The following DAZAP1 variants were observed in gnomAD, a reference collection of about 807,000 sequenced individuals.
DAZAP1 encodes DAZ associated protein 1.
In DAZAP1, 6 loss-of-function variants were observed where a neutral mutation model predicts 60.1. That is an observed-to-expected ratio of 0.10 (90% CI 0.05 to 0.20). The LOEUF (loss-of-function observed/expected upper bound fraction) is 0.20. Ranked by LOEUF, DAZAP1 falls within the 10% of genes least tolerant of loss-of-function variation. DAZAP1 has a pLI of 1.00. For missense variants in DAZAP1, 366 were observed against 560.4 expected (o/e 0.65, Z 3.50); for synonymous variants, 235 against 215.9 (o/e 1.09, Z -0.78).
chr19:1,431,891 C>T (rs2083461532), intron 10 of DAZAP1, among the ~76,000 whole-genome samples: 1 of 152,158 alleles, frequency 6.6e-6, no homozygotes, highest in Admixed American at 6.5e-5. Flanking sequence ...TGGGGCATAT[C>T]ACAGTGTGAG....
At chr19:1,414,583 A>G (rs1012419451) in intron 1 of DAZAP1, among the ~76,000 whole-genome samples, 8 of 151,836 alleles carry the variant, frequency 5.3e-5, no homozygotes, top group African/African-American at 1.7e-4. Flanking sequence ...CGTCTCTACT[A>G]AAAATACAAA....
chr19:1,430,776 A>G lies in DAZAP1; in HGVS notation c.871+414A>G, dbSNP rs573276225. On this transcript the variant is annotated intron_variant, in intron 10 of 11. Transcript: ENST00000233078. Reference sequence around the variant, plus strand: ...CACTCTGTAGCCCAGGCTGGAGTGCAGTGGCGCAATCGCGGCTCACTGCAA... The same window carrying G: ...CACTCTGTAGCCCAGGCTGGAGTGCGGTGGCGCAATCGCGGCTCACTGCAA... Among the ~76,000 whole-genome samples the G allele has an allele frequency of 2.3e-4, 35 of 149,746 alleles. No individual in the cohort carries two copies. In the South Asian group the frequency reaches 6.3e-3, roughly 27 times the overall value.
rs1209404754 is a variant in DAZAP1 at position 1,434,149 on chromosome 19, G to A, written c.1049-588G>A. 1.8e-5 allele frequency: 6 copies of A among 324,576 alleles called. No homozygotes were observed. The highest frequency in any genetic ancestry group is 4.1e-5 in the South Asian group (1 of 24,190). 20.1% of individuals were successfully genotyped at this position (324,576 alleles called of 1,614,324 possible). A position where few individuals can be genotyped will look rare whatever the true frequency, so the allele number is the denominator to read the frequency against. The stretch of plus-strand genomic sequence containing the variant: ...CACCGCTGTCCATGCTCCTGAGGTC[G>A]GCTGTGTGGGCCGGACGGGCTGCAG... On this transcript the variant is annotated intron_variant, in intron 11 of 11. Transcript: ENST00000233078. This position sits in a 1 kb window ranked among gnomAD's most constrained non-coding sequence, Gnocchi z 8.0.
At chr19:1,420,548 C>T (rs901060664) in intron 4 of DAZAP1, among the ~76,000 whole-genome samples, 2 of 151,634 alleles carry the variant, frequency 1.3e-5, no homozygotes, top group Non-Finnish European at 2.9e-5. Flanking sequence ...GCCCTAAGGG[C>T]AGCCCGGGAG....
chr19:1,424,848 C>T (rs1247087948), intron 6 of DAZAP1, among the ~76,000 whole-genome samples: 1 of 152,190 alleles, frequency 6.6e-6, no homozygotes, highest in Admixed American at 6.5e-5. Context: ...GCTGGTGCCG[C>T]CTGGGCCCCG....
intron 1 of DAZAP1, among the ~76,000 whole-genome samples, 184 bp downstream of exon 1, chr19:1,407,986 G>T (rs1193478500): frequency 3.3e-5 from 5 of 151,314 alleles, no homozygotes; most frequent in Non-Finnish European, 5.9e-5. Flanking sequence ...CCGGGGTCTG[G>T]GGGGGTCCTG....
At position 1,418,067 on chromosome 19, in the gene DAZAP1, C is replaced by T. The variant is rs2083039455; in HGVS notation, c.71-137C>T. 1 of 834,366 alleles carries T rather than the reference C, an allele frequency of 1.2e-6. No individual in the cohort carries two copies. The allele number at this position is 834,366 out of a possible 1,614,324, so 51.7% of individuals were successfully genotyped here. A position where few individuals can be genotyped will look rare whatever the true frequency, so the allele number is the denominator to read the frequency against. Reference sequence around the variant, plus strand: ...GCAGAATTCCCCAGCGCTTCCCGTACACCCCCCACCCCCAGTGCAGCATCG... The same window carrying T: ...GCAGAATTCCCCAGCGCTTCCCGTATACCCCCCACCCCCAGTGCAGCATCG... On this transcript the variant is annotated intron_variant, in intron 2 of 11. Coordinates refer to ENST00000233078, the MANE Select transcript of DAZAP1 (RefSeq NM_018959.4). The surrounding 1 kb of genome is among the most constrained non-coding windows in gnomAD (Gnocchi z 5.7).
rs73920484 is a variant in DAZAP1 at position 1,432,744 on chromosome 19, G to A, written c.1048+54G>A. 7.9e-4 allele frequency: 1,199 copies of A among 1,520,860 alleles called. 6 individuals carry two copies. The African/African-American group carries it at 0.014, about 18-fold the overall frequency. The allele number at this position is 1,520,860 out of a possible 1,614,324, so 94.2% of individuals were successfully genotyped here. ...CCGCTGGCCCCAGGACCCTGGGCAC[G>A]GCCTGCCTTCTTCTGCTTCCTCCCC... On this transcript the variant is annotated intron_variant, in intron 11 of 11. Coordinates refer to ENST00000233078, the MANE Select transcript of DAZAP1 (RefSeq NM_018959.4). The surrounding 1 kb of genome is among the most constrained non-coding windows in gnomAD (Gnocchi z 4.9).
chr19:1,419,379 T>C (rs2083079931), intron 4 of DAZAP1, among the ~76,000 whole-genome samples: 1 of 152,186 alleles, frequency 6.6e-6, no homozygotes, highest in South Asian at 2.1e-4. Flanking sequence ...AGGCACCGGG[T>C]GCCAGCCTCT....
chr19:1,413,141 G>A (rs145494332), intron 1 of DAZAP1, among the ~76,000 whole-genome samples: 2 of 152,328 alleles, frequency 1.3e-5, no homozygotes, highest in East Asian at 1.9e-4. Flanking sequence ...CAGTCCACAC[G>A]CCGCCAGCCA....
In DAZAP1 at chr19:1,416,150, C is replaced by G. The variant is rs1044877102; in HGVS notation, c.30-1350C>G. ...CCTTGCAGGGGTCTTTCCTGGCGAG[C>G]TGGCAGGAGCAGGGAGGAGCACGTT... On this transcript the variant is annotated intron_variant, in intron 1 of 11. Transcript: ENST00000233078. This position sits in a 1 kb window ranked among gnomAD's most constrained non-coding sequence, Gnocchi z 4.3. 80 of 152,322 alleles carry G rather than the reference C, an allele frequency of 5.3e-4. No individual in the cohort carries two copies. Among genetic ancestry groups the G allele is most frequent in the African/African-American group, 1.9e-3 (78 of 41,560 alleles). The allele number at this position is 152,322 out of a possible 1,614,324, so 9.4% of individuals were successfully genotyped here. A position where few individuals can be genotyped will look rare whatever the true frequency, so the allele number is the denominator to read the frequency against.
At position 1,407,713 on chromosome 19, in the gene DAZAP1, T is replaced by C. The variant is rs2082705503; in HGVS notation, c.-61T>C. On this transcript the variant is annotated 5_prime_UTR_variant, in exon 1 of 12. Transcript: ENST00000233078. Reference sequence around the variant, plus strand: ...GGGGAGGGCGACGGAGCGGGTGACCTTCCGGAGGCGGGAGCGAGCGAGGAG... The same window carrying C: ...GGGGAGGGCGACGGAGCGGGTGACCCTCCGGAGGCGGGAGCGAGCGAGGAG... 4 of 1,054,818 alleles carry C rather than the reference T, an allele frequency of 3.8e-6. No homozygotes were observed. Among genetic ancestry groups the C allele is most frequent in the Non-Finnish European group, 4.6e-6 (4 of 877,680 alleles). The allele number at this position is 1,054,818 out of a possible 1,614,324, so 65.3% of individuals were successfully genotyped here.
At chr19:1,413,722 C>T (rs1025908909) in intron 1 of DAZAP1, among the ~76,000 whole-genome samples, 2 of 152,146 alleles carry the variant, frequency 1.3e-5, no homozygotes, top group African/African-American at 4.8e-5. Context: ...GGGTCACCTG[C>T]GGTGGGGAGC....
intron 8 of DAZAP1, among the ~76,000 whole-genome samples, chr19:1,429,385 T>A (rs946955850): frequency 6.6e-6 from 1 of 152,178 alleles, no homozygotes; most frequent in Non-Finnish European, 1.5e-5. Context: ...GCCGGCAGGC[T>A]TTGGATCCTT....
chr19:1,418,325 G>A lies in DAZAP1; in HGVS notation c.192G>A (p.Val64=). 1 of 1,614,196 alleles carries A rather than the reference G, an allele frequency of 6.2e-7. No individual in the cohort carries two copies. Residue 64 remains valine, a synonymous_variant, in exon 3 of 12, where the codon GTG becomes GTA. Transcript: ENST00000233078. The surrounding 1 kb of genome is among the most constrained non-coding windows in gnomAD (Gnocchi z 5.7). ...GFVKFKDPNC[V]GTVLASRPHT... ...TCAAATTTAAAGACCCAAACTGTGT[G>A]GGGACGGTGCTGGCCAGCAGACCGC...
At chr19:1,417,748 C>T (rs189693534) in intron 2 of DAZAP1, among the ~76,000 whole-genome samples, 1 of 152,284 alleles carries the variant, frequency 6.6e-6, no homozygotes, top group East Asian at 1.9e-4. Flanking sequence ...CAGGGAAGAC[C>T]TCAGGCTGCA....
chr19:1,430,982 A>G (rs2083436432), intron 10 of DAZAP1, among the ~76,000 whole-genome samples: 1 of 151,378 alleles, frequency 6.6e-6, no homozygotes, highest in African/African-American at 2.4e-5. Flanking sequence ...CGGCCTCCCA[A>G]AGTGCTGGGA....
Position 1,418,776 on chromosome 19 carries a change from A to G in DAZAP1, c.303+45A>G, listed in dbSNP as rs771206789. 4.6e-6 allele frequency: 7 copies of G among 1,538,372 alleles called. No homozygotes were observed. The Middle Eastern group carries it at 5.2e-4, about 115-fold the overall frequency. On this transcript the variant is annotated intron_variant, in intron 4 of 11. Transcript: ENST00000233078. This position sits in a 1 kb window ranked among gnomAD's most constrained non-coding sequence, Gnocchi z 5.7. The stretch of plus-strand genomic sequence containing the variant: ...GGCCTCCTTGTGTGTTCTCCACTCC[A>G]CGTGGAAAGGAAATGCGTGCCTTCA...
At position 1,425,788 on chromosome 19, in the gene DAZAP1, C is replaced by A. The variant is rs764539453; in HGVS notation, c.464-90C>A. On this transcript the variant is annotated intron_variant, in intron 6 of 11. Coordinates refer to ENST00000233078, the MANE Select transcript of DAZAP1 (RefSeq NM_018959.4). The surrounding 1 kb of genome is among the most constrained non-coding windows in gnomAD (Gnocchi z 5.4). ...ACACAGCTTAGCTGAAACCCAAGGT[C>A]GATCCCTCGGCCCGTCCCTAATACT... 9.6e-6 allele frequency: 9 copies of A among 939,556 alleles called. No individual in the cohort carries two copies. The highest frequency in any genetic ancestry group is 1.6e-5 in the Non-Finnish European group (9 of 569,632). The allele number at this position is 939,556 out of a possible 1,614,324, so 58.2% of individuals were successfully genotyped here. A position where few individuals can be genotyped will look rare whatever the true frequency, so the allele number is the denominator to read the frequency against.
Sources: gnomAD v4.1 joint callset for allele counts (sites outside exome capture counted in the v4.1 genomes callset) on GRCh38, gnomAD v4.1.1 for gene constraint, Gnocchi (gnomAD v3.1) non-coding constraint, MANE v1.5 for transcripts, NCBI Gene and HGNC (gene_info 2026-07-23, HGNC 2026-07-21) for gene names.